NT5E: variants seen among roughly 807,000 people sequenced by gnomAD.
NT5E encodes 5'-nucleotidase.
A neutral mutation model predicts 55.1 loss-of-function variants in NT5E; 53 were observed. The observed-to-expected ratio is 0.96, with a 90% CI of 0.77 to 1.21. The LOEUF (loss-of-function observed/expected upper bound fraction) is 1.21, where lower values mean the gene tolerates loss of function less well. Among genes scored for constraint, NT5E ranks in the 50% most tolerant of loss-of-function variants. The probability of loss-of-function intolerance (pLI) is 0.00; values close to 1 mark genes in which losing one functional copy is unlikely to be tolerated. For missense variants in NT5E, 683 were observed against 724.3 expected (o/e 0.94, Z 0.65); for synonymous variants, 270 against 278.4 (o/e 0.97, Z 0.30).
Position 85,492,145 on chromosome 6 carries a change from T to G in NT5E, c.1529T>G (p.Met510Arg). ...GCCAATGGTGGAGATGGGTTCCAGA[T>G]GATAAAAGATGAATTATTAAGACAT... is the stretch of plus-strand genomic sequence containing the variant. ...FLANGGDGFQ[M>R]IKDELLRHDS... Residue 510 changes from methionine (M) to arginine (R), a missense_variant, in exon 8 of 9, where the codon ATG becomes AGG. Physicochemically the swap from Met to Arg is moderately conservative, Grantham distance 91. Coordinates refer to ENST00000257770, the MANE Select transcript of NT5E (RefSeq NM_002526.4). 1 of 1,613,774 alleles carries G rather than the reference T, an allele frequency of 6.2e-7. No homozygotes were observed. The highest frequency in any genetic ancestry group is 8.5e-7 in the Non-Finnish European group (1 of 1,179,748).
intron 1 of NT5E, among the ~76,000 whole-genome samples, chr6:85,458,062 C>T (rs932555855): frequency 5.3e-5 from 8 of 152,204 alleles, no homozygotes; most frequent in African/African-American, 1.9e-4. Context: ...CCCATAAAAA[C>T]TTGTCCCTAA....
Position 85,485,473 on chromosome 6 carries a change from T to C in NT5E, c.949+41T>C, listed in dbSNP as rs1377839045. 4.4e-6 allele frequency: 7 copies of C among 1,587,992 alleles called. No homozygotes were observed. In the South Asian group the frequency reaches 6.6e-5, roughly 15 times the overall value. ...GGGAATGTTCCACCAATCTAAAATTTAGATGGCTGGATATTTTGCTCCTTC... is the reference window on the plus strand; with the variant it reads ...GGGAATGTTCCACCAATCTAAAATTCAGATGGCTGGATATTTTGCTCCTTC... On this transcript the variant is annotated intron_variant, in intron 4 of 8. Transcript: ENST00000257770.
chr6:85,481,622 T>G (rs1343992358), intron 3 of NT5E, among the ~76,000 whole-genome samples: 3 of 152,172 alleles, frequency 2.0e-5, no homozygotes, highest in African/African-American at 7.2e-5. Context: ...CCCTCTGGCT[T>G]CAGAAGCTCT....
intron 3 of NT5E, 60 bp downstream of exon 3, chr6:85,471,485 T>C (rs1769307101): frequency 6.8e-7 from 1 of 1,472,034 alleles, no homozygotes; most frequent in Non-Finnish European, 9.5e-7. Context: ...GTGTCTCTTT[T>C]GCCTTTGTAA....
chr6:85,493,862 T>C lies in NT5E; in HGVS notation c.1583T>C (p.Val528Ala). 1 of 1,613,882 alleles carries C rather than the reference T, an allele frequency of 6.2e-7. No homozygotes were observed. Among genetic ancestry groups the C allele is most frequent in the Non-Finnish European group, 8.5e-7 (1 of 1,179,850 alleles). Reference sequence around the variant, plus strand: ...CTAGGTGACCAAGATATCAACGTGGTTTCTACATATATCTCCAAAATGAAA... The same window carrying C: ...CTAGGTGACCAAGATATCAACGTGGCTTCTACATATATCTCCAAAATGAAA... ...HDSGDQDINV[V>A]STYISKMKVI... The change falls in exon 9 of 9, where the codon GTT becomes GCT. Residue 528 changes from valine to alanine, a missense_variant. Transcript: ENST00000257770.
At chr6:85,474,409 G>A (rs1039353823) in intron 3 of NT5E, among the ~76,000 whole-genome samples, 2 of 152,178 alleles carry the variant, frequency 1.3e-5, no homozygotes, top group African/African-American at 4.8e-5. Context: ...TTGCTAAGTA[G>A]ATAAATTTAG....
intron 2 of NT5E, among the ~76,000 whole-genome samples, chr6:85,468,511 T>G (rs2127720649): frequency 6.6e-6 from 1 of 152,340 alleles, no homozygotes; most frequent in South Asian, 2.1e-4. Flanking sequence ...CAGAAACCTC[T>G]GCTGTCTCAC....
chr6:85,486,662 G>A (rs944326126), intron 4 of NT5E, among the ~76,000 whole-genome samples: 2 of 152,208 alleles, frequency 1.3e-5, no homozygotes, highest in Non-Finnish European at 2.9e-5. Context: ...TTGGCTCATT[G>A]TGGCAGTCCA....
At chr6:85,466,505 A>G (rs1338264081) in intron 1 of NT5E, among the ~76,000 whole-genome samples, 1 of 152,118 alleles carries the variant, frequency 6.6e-6, no homozygotes, top group Non-Finnish European at 1.5e-5. Flanking sequence ...CTATTGAGGA[A>G]CTTCATTTTC....
chr6:85,461,242 C>A (rs1582370781), intron 1 of NT5E, among the ~76,000 whole-genome samples: 4 of 152,306 alleles, frequency 2.6e-5, no homozygotes, highest in Admixed American at 2.6e-4. Flanking sequence ...TTGCCCCTGG[C>A]AGCCCCATCC....
chr6:85,464,779 G>T (rs1488785889), intron 1 of NT5E, among the ~76,000 whole-genome samples: 3 of 152,202 alleles, frequency 2.0e-5, no homozygotes. Context: ...AGCAACAATA[G>T]GTGGATGGAA....
rs925975774 is a variant in NT5E, at chr6:85,495,165, T to C, written c.*1161T>C. 6.6e-6 allele frequency: 1 copy of C among 152,386 alleles called. No individual in the cohort carries two copies. The allele number at this position is 152,386 out of a possible 1,614,324, so 9.4% of individuals were successfully genotyped here. On this transcript the variant is annotated 3_prime_UTR_variant, in exon 9 of 9. Transcript: ENST00000257770. ...ACTTTAGGAAGAGGTATACATTTTT[T>C]AAGTCGCTCTGCCTCCAAATCTGAA...
rs148352610 is a variant in NT5E at position 85,495,189 on chromosome 6, A to T, written c.*1185A>T. On this transcript the variant is annotated 3_prime_UTR_variant, in exon 9 of 9. Transcript: ENST00000257770. ...TTAAGTCGCTCTGCCTCCAAATCTG[A>T]ACAGTCACTGTAAATCATTCTTAAG... The T allele has an allele frequency of 2.4e-3, 371 of 152,364 alleles. No individual in the cohort carries two copies. Among genetic ancestry groups the T allele is most frequent in the African/African-American group, 8.5e-3 (354 of 41,586 alleles). The allele number at this position is 152,364 out of a possible 1,614,324, so 9.4% of individuals were successfully genotyped here.
intron 3 of NT5E, among the ~76,000 whole-genome samples, chr6:85,476,066 C>G (rs188352328): frequency 6.6e-6 from 1 of 152,196 alleles, no homozygotes; most frequent in South Asian, 2.1e-4. Context: ...CAATGTCCCA[C>G]GTCACTGAGA....
intron 1 of NT5E, among the ~76,000 whole-genome samples, chr6:85,456,657 A>C (rs1236345834): frequency 6.6e-6 from 1 of 152,154 alleles, no homozygotes; most frequent in African/African-American, 2.4e-5. Flanking sequence ...GGGAGAAGAC[A>C]AGAGAGAAGA....
intron 1 of NT5E, among the ~76,000 whole-genome samples, chr6:85,465,499 G>T (rs928746401): frequency 1.3e-5 from 2 of 152,170 alleles, no homozygotes; most frequent in Non-Finnish European, 2.9e-5. Context: ...CAACCTGTAA[G>T]ACCAGATCAG....
At chr6:85,468,703 T>C (rs1193373676) in intron 2 of NT5E, among the ~76,000 whole-genome samples, 1 of 152,128 alleles carries the variant, frequency 6.6e-6, no homozygotes, top group African/African-American at 2.4e-5. Context: ...GGCTAGATTG[T>C]AGGGCTGAGA....
intron 1 of NT5E, among the ~76,000 whole-genome samples, chr6:85,465,918 G>C (rs936967072): frequency 1.3e-5 from 2 of 152,342 alleles, no homozygotes; most frequent in Middle Eastern, 3.4e-3. Context: ...TCACCAGCCA[G>C]TACTTCATGC....
chr6:85,459,141 A>G (rs1769044879), intron 1 of NT5E, among the ~76,000 whole-genome samples: 1 of 152,070 alleles, frequency 6.6e-6, no homozygotes, highest in Non-Finnish European at 1.5e-5. Context: ...AAAAAGAGAG[A>G]CAGAGAGAGA....
Sources: allele counts gnomAD v4.1 joint callset (sites outside exome capture counted in the v4.1 genomes callset), GRCh38; gene constraint gnomAD v4.1.1; transcripts MANE v1.5; gene names NCBI Gene and HGNC (gene_info 2026-07-23, HGNC 2026-07-21).